The following CA10 variants were observed in gnomAD, a reference collection of about 807,000 sequenced individuals.
CA10 encodes the protein carbonic anhydrase 10 (inactive), also known as carbonic anhydrase-related protein 10.
CA10 carries 14 observed loss-of-function variants against 44.2 expected under a neutral mutation model. The observed-to-expected ratio is 0.32, with a 90% CI of 0.21 to 0.50. CA10 has a LOEUF of 0.50. CA10 is among the 20% of genes least tolerant of loss of function. The pLI is 0.99. For synonymous variants in CA10, 159 were observed against 141.6 expected, an observed-to-expected ratio of 1.12 and a Z score of -0.87; for missense variants, 350 against 409.7, an observed-to-expected ratio of 0.85 and a Z score of 1.26.
intron 2 of CA10, among the ~76,000 whole-genome samples, chr17:51,947,336 GAGAGCCTCATAAA>G (rs1472246563): frequency 6.6e-6 from 1 of 151,922 alleles, no homozygotes; most frequent in Non-Finnish European, 1.5e-5. Flanking sequence ...CAGTGAATGG[GAGAGCCTCATAAA>G]ATCCGACAAA....
chr17:52,054,695 C>G (rs2143063799), intron 2 of CA10, among the ~76,000 whole-genome samples: 1 of 152,076 alleles, frequency 6.6e-6, no homozygotes, highest in South Asian at 2.1e-4. Context: ...TACTCTTTCC[C>G]TTATTTCTCA....
intron 2 of CA10, among the ~76,000 whole-genome samples, chr17:52,002,440 A>T (rs1841989471): frequency 6.6e-6 from 1 of 151,858 alleles, no homozygotes; most frequent in Non-Finnish European, 1.5e-5. Flanking sequence ...CAAAGAAGTG[A>T]CCAGCCTGGG....
intron 4 of CA10, among the ~76,000 whole-genome samples, chr17:51,708,265 A>G (rs561087861): frequency 6.6e-6 from 1 of 152,342 alleles, no homozygotes; most frequent in South Asian, 2.1e-4. Context: ...CAGGTGCTGG[A>G]TGGCAAAGCA....
At chr17:51,848,831 G>C (rs1004042094) in intron 3 of CA10, among the ~76,000 whole-genome samples, 2 of 152,116 alleles carry the variant, frequency 1.3e-5, no homozygotes, top group Non-Finnish European at 2.9e-5. Context: ...AGAATCACTT[G>C]AGTCCAGGAG....
chr17:51,874,479 A>G (rs1025218039), intron 3 of CA10, among the ~76,000 whole-genome samples: 2 of 152,024 alleles, frequency 1.3e-5, no homozygotes, highest in Non-Finnish European at 2.9e-5. Flanking sequence ...TTCCCAGGCA[A>G]TAGTAATTGT....
intron 4 of CA10, among the ~76,000 whole-genome samples, chr17:51,662,694 C>T (rs9901183): frequency 0.83 from 125,685 of 152,144 alleles, 52,260 homozygotes; most frequent in Middle Eastern, 0.86. Flanking sequence ...GGTTTGGTAA[C>T]TATCATGGGT....
chr17:51,859,640 T>G (rs1245052601), intron 3 of CA10, among the ~76,000 whole-genome samples: 2 of 152,138 alleles, frequency 1.3e-5, no homozygotes, highest in East Asian at 3.8e-4. Context: ...ATTGATGATG[T>G]GATTTTGGGC....
At chr17:51,945,576 C>A (rs781692271) in intron 2 of CA10, among the ~76,000 whole-genome samples, 4 of 152,054 alleles carry the variant, frequency 2.6e-5, no homozygotes, top group Non-Finnish European at 4.4e-5. Flanking sequence ...CCTACTTTTC[C>A]CACATCAGTC....
intron 1 of CA10, among the ~76,000 whole-genome samples, chr17:52,083,483 G>T (rs1457750878): frequency 3.3e-5 from 5 of 152,114 alleles, no homozygotes; most frequent in Non-Finnish European, 2.9e-5. Context: ...TTGCTTAGTG[G>T]TGAAGTCTAG....
At chr17:51,794,452 C>A (rs978481646) in intron 3 of CA10, among the ~76,000 whole-genome samples, 2 of 152,098 alleles carry the variant, frequency 1.3e-5, no homozygotes, top group Non-Finnish European at 2.9e-5. Context: ...AGGTGTCACC[C>A]CACTATATTG....
chr17:51,943,708 A>G (rs1019310742), intron 2 of CA10, among the ~76,000 whole-genome samples: 4 of 152,172 alleles, frequency 2.6e-5, no homozygotes, highest in Non-Finnish European at 5.9e-5. Context: ...AGAGATTTGC[A>G]TTATTTAACA....
At chr17:52,038,120 T>C (rs937879682) in intron 2 of CA10, among the ~76,000 whole-genome samples, 30 of 152,310 alleles carry the variant, frequency 2.0e-4, no homozygotes, top group Non-Finnish European at 3.7e-4. Flanking sequence ...GGTATCATGC[T>C]TAAAATGCAT....
At chr17:51,880,413 C>T (rs1425718854) in intron 3 of CA10, among the ~76,000 whole-genome samples, 1 of 151,990 alleles carries the variant, frequency 6.6e-6, no homozygotes, top group Non-Finnish European at 1.5e-5. Flanking sequence ...TCAAGTGATC[C>T]TTCCTCCTCA....
At chr17:51,810,555 G>A (rs1907320187) in intron 3 of CA10, among the ~76,000 whole-genome samples, 1 of 152,174 alleles carries the variant, frequency 6.6e-6, no homozygotes, top group Admixed American at 6.5e-5. Context: ...CTATGCAGAG[G>A]AGCTGGGAAG....
chr17:51,939,231 G>A (rs1598128711), intron 2 of CA10, among the ~76,000 whole-genome samples: 3 of 152,130 alleles, frequency 2.0e-5, no homozygotes, highest in Admixed American at 2.0e-4. Flanking sequence ...CATACTAATA[G>A]AGCTTCTCTT....
chr17:51,801,492 A>T lies in CA10; in HGVS notation c.280-53674T>A, dbSNP rs959278221. On this transcript the variant is annotated intron_variant, in intron 3 of 8. Coordinates refer to ENST00000451037, the MANE Select transcript of CA10 (RefSeq NM_020178.5). ...ATTTTCACACTAGAGGAAAAAAATT[A>T]AAAAAAAACAGGCTCTTCAGTTTTG... Among the ~76,000 whole-genome samples the T allele has an allele frequency of 1.0e-4, 15 of 143,490 alleles. No individual in the cohort carries two copies. In the East Asian group the frequency reaches 1.2e-3, roughly 11 times the overall value. 94.1% of individuals were successfully genotyped at this position (143,490 alleles called of 152,430 possible).
At chr17:51,833,988 G>T (rs1323381949) in intron 3 of CA10, among the ~76,000 whole-genome samples, 1 of 152,192 alleles carries the variant, frequency 6.6e-6, no homozygotes, top group Non-Finnish European at 1.5e-5. Context: ...GTACGACCAT[G>T]GAAAAGGATG....
At chr17:51,864,747 A>T (rs1449037160) in intron 3 of CA10, among the ~76,000 whole-genome samples, 1 of 152,198 alleles carries the variant, frequency 6.6e-6, no homozygotes, top group Non-Finnish European at 1.5e-5. Flanking sequence ...CATTAATGTC[A>T]TTTGAGTTGC....
intron 2 of CA10, among the ~76,000 whole-genome samples, chr17:51,958,257 GTTTTT>G (rs56021809): frequency 2.9e-4 from 43 of 146,620 alleles, no homozygotes; most frequent in African/African-American, 5.7e-4. Context: ...AAATAACTGA[GTTTTT>G]TTTTTTTTTT....
Sources: allele counts gnomAD v4.1 joint callset (sites outside exome capture counted in the v4.1 genomes callset), GRCh38; gene constraint gnomAD v4.1.1; transcripts MANE v1.5; gene names NCBI Gene and HGNC (gene_info 2026-07-23, HGNC 2026-07-21).